COL4A1: variants seen among roughly 807,000 people sequenced by gnomAD.
COL4A1 encodes the protein collagen type IV alpha 1 chain.
Under a neutral mutation model 216.6 loss-of-function variants are expected in COL4A1, and 40 were observed. The ratio of observed to expected loss-of-function variants is 0.18; its 90% CI spans 0.14 to 0.24. The LOEUF (loss-of-function observed/expected upper bound fraction) is 0.24, where lower values mean the gene tolerates loss of function less well. Among genes scored for constraint, COL4A1 ranks in the 10% least tolerant of loss-of-function variants. The pLI is 1.00. For missense variants in COL4A1, 1,628 were observed against 2,196.8 expected (o/e 0.74, Z 5.18); for synonymous variants, 839 against 810.7 (o/e 1.03, Z -0.59).
rs759710199 is a variant in COL4A1, at chr13:110,268,193, G to A, written c.85-25459C>T. 1.3e-5 allele frequency among the ~76,000 whole-genome samples: 2 copies of A among 152,184 alleles called. No homozygotes were observed. The highest frequency in any genetic ancestry group is 2.9e-5 in the Non-Finnish European group (2 of 68,030). On this transcript the variant is annotated intron_variant, in intron 1 of 51. Transcript: ENST00000375820. This position sits in a 1 kb window ranked among gnomAD's most constrained non-coding sequence, Gnocchi z 4.1. Reference sequence around the variant, plus strand: ...ACAAGGGGCCAGGTTCAGCAGGGCCGATGCCAACTGTGTCCTGCCTCAGAG... The same window carrying A: ...ACAAGGGGCCAGGTTCAGCAGGGCCAATGCCAACTGTGTCCTGCCTCAGAG...
intron 45 of COL4A1, among the ~76,000 whole-genome samples, chr13:110,165,227 T>C (rs1162086787): frequency 6.6e-6 from 1 of 152,138 alleles, no homozygotes; most frequent in Non-Finnish European, 1.5e-5. Context: ...CAGCGTAACT[T>C]CCCACTGCAT....
rs1281554988 is a variant in COL4A1 at position 110,289,440 on chromosome 13, A to AC, written c.84+17503dup. Among the ~76,000 whole-genome samples the AC allele has an allele frequency of 2.6e-5, 4 of 151,052 alleles. 1 individual carries two copies. The highest frequency in any genetic ancestry group is 4.2e-4 in the South Asian group (2 of 4,730). On this transcript the variant is annotated intron_variant, in intron 1 of 51. Transcript: ENST00000375820. ...GACAAGGCCCTGCGCACCCACCCTGACCCCCTGCCCATCCCCCACTGCTCC... is the reference window on the plus strand; with the variant it reads ...GACAAGGCCCTGCGCACCCACCCTGACCCCCCTGCCCATCCCCCACTGCTCC...
At chr13:110,175,768 T>A (rs565568323) in intron 36 of COL4A1, among the ~76,000 whole-genome samples, 66 of 152,340 alleles carry the variant, frequency 4.3e-4, no homozygotes, top group African/African-American at 1.6e-3. Flanking sequence ...CTCGGTTCTG[T>A]GATGCATGCT....
In COL4A1 at chr13:110,212,574, G is replaced by A. The variant is rs61759487; in HGVS notation, c.324C>T (p.Pro108=). 12 of 1,614,142 alleles carry A rather than the reference G, an allele frequency of 7.4e-6. No individual in the cohort carries two copies. The highest frequency in any genetic ancestry group is 3.3e-5 in the South Asian group (3 of 91,080). ...ASGYPGNPGL[P]GIPGQDGPPG... is the part of the protein sequence containing the mutation. ...AGTAGAGCACGTTTTCTATACATAC[G>A]GGAAGTCCTGGGTTTCCAGGGTAGC... The change falls in exon 5 of 52, where the codon CCC becomes CCT. Residue 108 remains proline, a splice_region_variant and synonymous_variant. Coordinates refer to ENST00000375820, the MANE Select transcript of COL4A1 (RefSeq NM_001845.6).
chr13:110,252,445 GTATATGTATTA>G (rs1882118009), intron 1 of COL4A1, among the ~76,000 whole-genome samples: 1 of 114,028 alleles, frequency 8.8e-6, no homozygotes, highest in Non-Finnish European at 1.8e-5. Context: ...ATAATTATAC[GTATATGTATTA>G]TATACATATA....
chr13:110,239,452 G>T (rs1217233598), intron 2 of COL4A1, among the ~76,000 whole-genome samples: 1 of 152,188 alleles, frequency 6.6e-6, no homozygotes, highest in African/African-American at 2.4e-5. Context: ...TTCTGACCCA[G>T]CTTGGTAACT....
At chr13:110,234,955 C>A (rs1227385412) in intron 2 of COL4A1, among the ~76,000 whole-genome samples, 1 of 152,162 alleles carries the variant, frequency 6.6e-6, no homozygotes, top group Non-Finnish European at 1.5e-5. Flanking sequence ...ACTACCTAAA[C>A]AAAGCTTATA....
chr13:110,228,115 G>A (rs1244351035), intron 2 of COL4A1, among the ~76,000 whole-genome samples: 1 of 152,160 alleles, frequency 6.6e-6, no homozygotes, highest in Non-Finnish European at 1.5e-5. Context: ...GCGCAGCTGG[G>A]CGGGACCATC....
chr13:110,173,231 T>C (rs1261413482), intron 40 of COL4A1, among the ~76,000 whole-genome samples: 1 of 151,856 alleles, frequency 6.6e-6, no homozygotes, highest in Non-Finnish European at 1.5e-5. Context: ...TTTTTATGAA[T>C]TGTTTGTATA....
rs564858186 is a variant in COL4A1, at chr13:110,234,330, C to T, written c.144+8345G>A. Among the ~76,000 whole-genome samples, 22 of 152,314 alleles carry T rather than the reference C, an allele frequency of 1.4e-4. No homozygotes were observed. The South Asian group carries it at 2.1e-3, about 14-fold the overall frequency. On this transcript the variant is annotated intron_variant, in intron 2 of 51. Transcript: ENST00000375820. ...CGGTACAGTGGCTCACGCCTGTCAT[C>T]CCAGCACTTTGGGAGGCCGAGACAG...
chr13:110,176,231 T>C (rs1169316570), intron 36 of COL4A1, among the ~76,000 whole-genome samples, 193 bp downstream of exon 36: 2 of 152,208 alleles, frequency 1.3e-5, no homozygotes, highest in Non-Finnish European at 2.9e-5. Flanking sequence ...TTCTTAGCAA[T>C]GGCCATTCTG....
At chr13:110,290,669 C>CT (rs1042383339) in intron 1 of COL4A1, among the ~76,000 whole-genome samples, 7 of 152,182 alleles carry the variant, frequency 4.6e-5, no homozygotes, top group African/African-American at 1.7e-4. Flanking sequence ...CTCCACCCCA[C>CT]TTTTATTTTA....
intron 49 of COL4A1, among the ~76,000 whole-genome samples, chr13:110,157,279 G>C (rs1427272178): frequency 6.6e-6 from 1 of 152,222 alleles, no homozygotes; most frequent in Non-Finnish European, 1.5e-5. Context: ...TATTTCGTGA[G>C]TCTTGTCTGC....
chr13:110,252,768 CAT>C (rs1882210103), intron 1 of COL4A1, among the ~76,000 whole-genome samples: 1 of 79,718 alleles, frequency 1.3e-5, no homozygotes, highest in Non-Finnish European at 2.5e-5. Flanking sequence ...ATGTATGTAT[CAT>C]ATAAACATAT....
intron 51 of COL4A1, among the ~76,000 whole-genome samples, chr13:110,151,413 C>A (rs1287639839): frequency 6.6e-6 from 1 of 152,192 alleles, no homozygotes; most frequent in African/African-American, 2.4e-5. Context: ...TAAACTCTAT[C>A]TGCAGCATGG....
chr13:110,296,801 A>C (rs1884294250), intron 1 of COL4A1, among the ~76,000 whole-genome samples: 2 of 152,164 alleles, frequency 1.3e-5, no homozygotes, highest in African/African-American at 2.4e-5. Flanking sequence ...ATTTCCATGA[A>C]CCCCTCCTGG....
chr13:110,219,868 G>GTACATA (rs1277407047), intron 2 of COL4A1, among the ~76,000 whole-genome samples: 1 of 101,220 alleles, frequency 9.9e-6, no homozygotes, highest in African/African-American at 3.9e-5. Flanking sequence ...ATATATGTGT[G>GTACATA]TGTATATATG....
intron 42 of COL4A1, 142 bp from the exon 43 acceptor site, chr13:110,169,904 G>A (rs944631303): frequency 9.1e-6 from 10 of 1,099,522 alleles, no homozygotes; most frequent in Admixed American, 5.6e-5. Context: ...GACAGAAATC[G>A]AGGCAGGTCC....
At chr13:110,197,635 C>A (rs1169909934) in intron 21 of COL4A1, among the ~76,000 whole-genome samples, 1 of 152,230 alleles carries the variant, frequency 6.6e-6, no homozygotes, top group East Asian at 1.9e-4. Flanking sequence ...CCCATCGAAG[C>A]TGCCAGGCTG....
Sources: allele counts gnomAD v4.1 joint callset (sites outside exome capture counted in the v4.1 genomes callset), GRCh38; gene constraint gnomAD v4.1.1; non-coding constraint Gnocchi (gnomAD v3.1); transcripts MANE v1.5; gene names NCBI Gene and HGNC (gene_info 2026-07-23, HGNC 2026-07-21).